Variants in ERC2 observed in about 807,000 individuals in gnomAD.
ERC2 encodes ERC protein 2.
ERC2 carries 42 observed loss-of-function variants against 114.8 expected under a neutral mutation model. The observed-to-expected ratio is 0.37, with a 90% confidence interval of 0.29 to 0.47. ERC2 has a LOEUF of 0.47. Ranked by LOEUF, ERC2 falls within the 20% of genes least tolerant of loss-of-function variation. The pLI is 0.99. For missense variants in ERC2, 939 were observed against 1,150.7 expected, an observed-to-expected ratio of 0.82 and a Z score of 2.66; for synonymous variants, 454 against 425.5, an observed-to-expected ratio of 1.07 and a Z score of -0.82.
At chr3:55,597,839 C>T (rs1306311023) in intron 17 of ERC2, among the ~76,000 whole-genome samples, 1 of 152,216 alleles carries the variant, frequency 6.6e-6, no homozygotes, top group Non-Finnish European at 1.5e-5. Flanking sequence ...TAGAATAGAT[C>T]ACATTACATC....
chr3:56,195,520 T>TGTGTGTG (rs60103581), intron 3 of ERC2, among the ~76,000 whole-genome samples: 1 of 151,404 alleles, frequency 6.6e-6, no homozygotes, highest in African/African-American at 2.4e-5. Flanking sequence ...TGTGTGTGTG[T>TGTGTGTG]TCTCTCCAAT....
chr3:55,621,206 G>T (rs935664609), intron 17 of ERC2, among the ~76,000 whole-genome samples: 1 of 150,948 alleles, frequency 6.6e-6, no homozygotes, highest in Non-Finnish European at 1.5e-5. Context: ...TTTCTCCAAA[G>T]ACCTAAAAGA....
At chr3:55,745,314 A>T (rs1015831947) in intron 14 of ERC2, among the ~76,000 whole-genome samples, 2 of 152,256 alleles carry the variant, frequency 1.3e-5, no homozygotes, top group African/African-American at 4.8e-5. Flanking sequence ...CACATAGTTT[A>T]AGAAACTGAG....
intron 14 of ERC2, among the ~76,000 whole-genome samples, chr3:55,761,628 C>T (rs1455379934): frequency 6.6e-6 from 1 of 152,130 alleles, no homozygotes; most frequent in Non-Finnish European, 1.5e-5. Context: ...AATGTGTCCC[C>T]ACCCAAATCT....
At chr3:55,839,871 T>C (rs1351561513) in intron 14 of ERC2, among the ~76,000 whole-genome samples, 3 of 151,976 alleles carry the variant, frequency 2.0e-5, no homozygotes, top group Non-Finnish European at 2.9e-5. Flanking sequence ...TTGGTCTAAG[T>C]ACCTCAATTA....
At chr3:56,114,327 G>A (rs1045042414) in intron 6 of ERC2, among the ~76,000 whole-genome samples, 9 of 152,274 alleles carry the variant, frequency 5.9e-5, no homozygotes, top group Admixed American at 5.9e-4. Context: ...ATGGTCAGTG[G>A]TCTTCTAAGA....
chr3:56,362,611 C>T (rs1045847563), intron 2 of ERC2, among the ~76,000 whole-genome samples: 2 of 152,260 alleles, frequency 1.3e-5, no homozygotes, highest in African/African-American at 2.4e-5. Context: ...GCTGCACTCT[C>T]AGCGCCTGCT....
intron 1 of ERC2, among the ~76,000 whole-genome samples, chr3:56,449,506 T>TTCA (rs2107508700): frequency 6.6e-6 from 1 of 152,320 alleles, no homozygotes; most frequent in Admixed American, 6.5e-5. Flanking sequence ...TCATGACATT[T>TTCA]TCATCATATC....
chr3:56,045,881 C>T (rs1269584465), intron 7 of ERC2, among the ~76,000 whole-genome samples: 3 of 152,032 alleles, frequency 2.0e-5, no homozygotes, highest in East Asian at 1.9e-4. Context: ...TATCACTCAC[C>T]GTGGTGTGAT....
At chr3:56,242,078 C>T (rs1374884652) in intron 3 of ERC2, among the ~76,000 whole-genome samples, 3 of 152,154 alleles carry the variant, frequency 2.0e-5, no homozygotes, top group Admixed American at 6.6e-5. Flanking sequence ...AACCTAAATG[C>T]CCATCAACCA....
intron 13 of ERC2, among the ~76,000 whole-genome samples, chr3:55,909,533 G>A (rs919078607): frequency 9.7e-6 from 1 of 103,268 alleles, no homozygotes; most frequent in African/African-American, 3.7e-5. Flanking sequence ...GACAGAAGGG[G>A]TTTGAAGTGC....
intron 14 of ERC2, among the ~76,000 whole-genome samples, chr3:55,859,834 T>C (rs72879128): frequency 1.2e-3 from 177 of 152,052 alleles, no homozygotes; most frequent in African/African-American, 4.1e-3. Flanking sequence ...GGAAGATCTT[T>C]AGTACAGACA....
intron 3 of ERC2, among the ~76,000 whole-genome samples, chr3:56,193,766 A>T (rs2047933251): frequency 6.6e-6 from 1 of 152,188 alleles, no homozygotes; most frequent in Admixed American, 6.5e-5. Flanking sequence ...AGGTTAAATC[A>T]CTTGCCCAAA....
Position 55,865,893 on chromosome 3 carries a change from T to C in ERC2, c.2564+22496A>G, listed in dbSNP as rs544469195. 6.8e-4 allele frequency among the ~76,000 whole-genome samples: 103 copies of C among 152,320 alleles called. 1 individual carries two copies. Among genetic ancestry groups the C allele is most frequent in the African/African-American group, 2.5e-3 (102 of 41,584 alleles). ...TGACTTGTTTTCACTTTTTGGCTAT[T>C]ATACATAATGCTGCTATGACCCTTC... On this transcript the variant is annotated intron_variant, in intron 14 of 17. Coordinates refer to ENST00000288221, the MANE Select transcript of ERC2 (RefSeq NM_015576.3).
At chr3:55,933,542 G>T (rs2066252381) in intron 13 of ERC2, among the ~76,000 whole-genome samples, 1 of 152,216 alleles carries the variant, frequency 6.6e-6, no homozygotes, top group African/African-American at 2.4e-5. Flanking sequence ...TTTTGTGGCT[G>T]CCTTTGCAGC....
At chr3:56,274,648 T>C (rs772623107) in intron 3 of ERC2, among the ~76,000 whole-genome samples, 1 of 152,226 alleles carries the variant, frequency 6.6e-6, no homozygotes, top group Non-Finnish European at 1.5e-5. Flanking sequence ...GGTGTGTGAT[T>C]GTTCTGTGTG....
chr3:55,688,220 T>C (rs1301052402), intron 16 of ERC2, among the ~76,000 whole-genome samples: 1 of 152,166 alleles, frequency 6.6e-6, no homozygotes, highest in Admixed American at 6.5e-5. Context: ...TGAGCTGGGA[T>C]AGAAAAGAGC....
intron 2 of ERC2, among the ~76,000 whole-genome samples, chr3:56,410,625 G>T (rs1398037236): frequency 5.3e-5 from 8 of 152,108 alleles, no homozygotes; most frequent in Non-Finnish European, 1.2e-4. Context: ...TTTAGAGGCA[G>T]TTTTTTGTTT....
At chr3:55,955,129 A>C (rs370624257) in intron 12 of ERC2, 3 of 515,702 alleles carry the variant, frequency 5.8e-6, no homozygotes, top group Non-Finnish European at 1.2e-5. Flanking sequence ...ACACACATGC[A>C]TATGAACGGA....
Sources: gnomAD v4.1 joint callset for allele counts (sites outside exome capture counted in the v4.1 genomes callset) on GRCh38, gnomAD v4.1.1 for gene constraint, MANE v1.5 for transcripts, NCBI Gene and HGNC (gene_info 2026-07-23, HGNC 2026-07-21) for gene names.